The following CD58 variants were observed in gnomAD, a reference collection of about 807,000 sequenced individuals.
The protein encoded by CD58 is CD58 molecule.
Under a neutral mutation model 27.6 loss-of-function variants are expected in CD58, and 14 were observed. The ratio of observed to expected loss-of-function variants is 0.51; its 90% confidence interval spans 0.34 to 0.79. CD58 has a LOEUF of 0.79. Ranked by LOEUF, CD58 falls within the 30% of genes least tolerant of loss-of-function variation. The pLI, the probability that CD58 is intolerant of heterozygous loss-of-function variation, is 0.02. For missense variants in CD58, 268 were observed against 301.7 expected (o/e 0.89, Z 0.83); for synonymous variants, 117 against 103.8 (o/e 1.13, Z -0.77).
At chr1:116,565,911 G>T (rs1048039076) in intron 1 of CD58, among the ~76,000 whole-genome samples, 2 of 151,990 alleles carry the variant, frequency 1.3e-5, no homozygotes, top group African/African-American at 4.8e-5. Flanking sequence ...TAGAGACAGG[G>T]TTTCACTGCG....
rs1248416297 is a variant in CD58 at position 116,559,552 on chromosome 1, T to C, written c.70+11351A>G. Among the ~76,000 whole-genome samples the C allele has an allele frequency of 1.3e-5, 2 of 152,084 alleles. No homozygotes were observed. The highest frequency in any genetic ancestry group is 2.9e-5 in the Non-Finnish European group (2 of 68,020). ...TCTCTTATTTCCTTAAGACAGAGAT[T>C]TACTGATTTCAGCCACACCACCACC... On this transcript the variant is annotated intron_variant, in intron 1 of 5. Coordinates refer to ENST00000369489, the MANE Select transcript of CD58 (RefSeq NM_001779.3). This position sits in a 1 kb window ranked among gnomAD's most constrained non-coding sequence, Gnocchi z 4.4.
chr1:116,544,500 G>GT lies in CD58; in HGVS notation c.174dup (p.Gln59ThrfsTer4). ...TCCAGTTCTGCAACTTTATCCTTTT[G>GT]TTTTTTCCATAGGACCTCTTTTAAA... On this transcript the variant is annotated frameshift_variant, in exon 2 of 6. Transcript: ENST00000369489. LOFTEE classifies it high-confidence loss of function. 1.9e-6 allele frequency: 3 copies of GT among 1,613,838 alleles called. No individual in the cohort carries two copies. The highest frequency in any genetic ancestry group is 2.5e-6 in the Non-Finnish European group (3 of 1,179,874).
At chr1:116,565,774 T>G (rs1402101010) in intron 1 of CD58, among the ~76,000 whole-genome samples, 2 of 150,822 alleles carry the variant, frequency 1.3e-5, no homozygotes, top group Admixed American at 1.3e-4. Context: ...CAGGCTGGAG[T>G]GCAGTGTTGT....
chr1:116,519,435 CTGG>C lies in CD58; in HGVS notation c.707-171_707-169del. On this transcript the variant is annotated intron_variant, in intron 4 of 5. Coordinates refer to ENST00000369489, the MANE Select transcript of CD58 (RefSeq NM_001779.3). This position sits in a 1 kb window ranked among gnomAD's most constrained non-coding sequence, Gnocchi z 4.7. ...GCTTTAAATCAAATCGGCTACAGAG[CTGG>C]TCCAAAGAGTTGTTCAAAAATTGGT... 1 of 683,500 alleles carries C rather than the reference CTGG, an allele frequency of 1.5e-6. No homozygotes were observed. The highest frequency in any genetic ancestry group is 1.6e-5 in the South Asian group (1 of 62,920). The allele number at this position is 683,500 out of a possible 1,614,324, so 42.3% of individuals were successfully genotyped here.
In CD58 at chr1:116,570,071, C is replaced by G. The variant is rs1249771149; in HGVS notation, c.70+832G>C. 6.6e-6 allele frequency among the ~76,000 whole-genome samples: 1 copy of G among 152,218 alleles called. No homozygotes were observed. Among genetic ancestry groups the G allele is most frequent in the Non-Finnish European group, 1.5e-5 (1 of 68,048 alleles). On this transcript the variant is annotated intron_variant, in intron 1 of 5. Transcript: ENST00000369489. This position sits in a 1 kb window ranked among gnomAD's most constrained non-coding sequence, Gnocchi z 6.4. ...GAGGGCTGGCAGTGGGGTGCAGGAG[C>G]CAGCCATGAGAACCCCTCAAGTACA... is the stretch of plus-strand genomic sequence containing the variant.
rs899706915 is a variant in CD58 at position 116,528,194 on chromosome 1, A to G, written c.629-6211T>C. Among the ~76,000 whole-genome samples the G allele has an allele frequency of 6.6e-5, 10 of 152,154 alleles. No individual in the cohort carries two copies. Among genetic ancestry groups the G allele is most frequent in the Admixed American group, 5.2e-4 (8 of 15,282 alleles). On this transcript the variant is annotated intron_variant, in intron 3 of 5. Transcript: ENST00000369489. This position sits in a 1 kb window ranked among gnomAD's most constrained non-coding sequence, Gnocchi z 4.4. ...TCCTACTTCTGTTTCTGCCTGTTACATTTCATCTGGTTCAAACTTTGTTCA... is the reference window on the plus strand; with the variant it reads ...TCCTACTTCTGTTTCTGCCTGTTACGTTTCATCTGGTTCAAACTTTGTTCA...
intron 1 of CD58, among the ~76,000 whole-genome samples, chr1:116,566,805 A>G (rs899366991): frequency 1.3e-5 from 2 of 152,134 alleles, no homozygotes; most frequent in Non-Finnish European, 2.9e-5. Context: ...AAAGCTATCC[A>G]TTACTGAACA....
At chr1:116,562,836 T>C (rs916626212) in intron 1 of CD58, among the ~76,000 whole-genome samples, 3 of 152,156 alleles carry the variant, frequency 2.0e-5, no homozygotes, top group Non-Finnish European at 2.9e-5. Flanking sequence ...AAGGTGAGAT[T>C]TGGGTGGGGA....
chr1:116,549,516 T>C (rs1031660529), intron 1 of CD58, among the ~76,000 whole-genome samples: 1 of 152,130 alleles, frequency 6.6e-6, no homozygotes, highest in Non-Finnish European at 1.5e-5. Flanking sequence ...AATTCTAGTA[T>C]TGAAGTAAAG....
rs951745036 is a variant in CD58, at chr1:116,536,536, C to A, written c.365-308G>T. ...GTGATTGTACCATGGGGGATGGTTT[C>A]CCCATGCTATTCTAGTGATAGAGAG... On this transcript the variant is annotated intron_variant, in intron 2 of 5. Coordinates refer to ENST00000369489, the MANE Select transcript of CD58 (RefSeq NM_001779.3). This position sits in a 1 kb window ranked among gnomAD's most constrained non-coding sequence, Gnocchi z 5.4. Among the ~76,000 whole-genome samples, 6 of 152,042 alleles carry A rather than the reference C, an allele frequency of 3.9e-5. No homozygotes were observed. The highest frequency in any genetic ancestry group is 7.4e-5 in the Non-Finnish European group (5 of 68,000).
At chr1:116,567,785 G>T (rs1658989419) in intron 1 of CD58, among the ~76,000 whole-genome samples, 1 of 152,176 alleles carries the variant, frequency 6.6e-6, no homozygotes, top group East Asian at 1.9e-4. Flanking sequence ...TACTTACAAA[G>T]GTAAAATGGT....
Position 116,525,597 on chromosome 1 carries a change from T to C in CD58, c.629-3614A>G, listed in dbSNP as rs571816822. Among the ~76,000 whole-genome samples the C allele has an allele frequency of 1.7e-4, 26 of 152,332 alleles. No individual in the cohort carries two copies. The South Asian group carries it at 4.6e-3, about 27-fold the overall frequency. ...AATGGTAAGAGTACATACAGTTTTG[T>C]AAGAAACTGCCAAACTGTCTTCCAA... On this transcript the variant is annotated intron_variant, in intron 3 of 5. Coordinates refer to ENST00000369489, the MANE Select transcript of CD58 (RefSeq NM_001779.3).
Position 116,514,810 on chromosome 1 carries a change from C to A in CD58, c.*3G>T. 1 of 1,545,660 alleles carries A rather than the reference C, an allele frequency of 6.5e-7. No individual in the cohort carries two copies. On this transcript the variant is annotated 3_prime_UTR_variant, in exon 6 of 6. Coordinates refer to ENST00000369489, the MANE Select transcript of CD58 (RefSeq NM_001779.3). ...TGCTGTTGTCTTCATCTTCTGTTAC[C>A]AATCAATTGGAGCTACAAAAAAAAA... is the stretch of plus-strand genomic sequence containing the variant.
chr1:116,547,206 A>G (rs886562670), intron 1 of CD58, among the ~76,000 whole-genome samples: 3 of 151,352 alleles, frequency 2.0e-5, no homozygotes, highest in African/African-American at 7.3e-5. Flanking sequence ...ATTCTTACAT[A>G]GCTTAGCTCC....
chr1:116,551,701 T>C (rs1173425870), intron 1 of CD58, among the ~76,000 whole-genome samples: 1 of 152,074 alleles, frequency 6.6e-6, no homozygotes, highest in Non-Finnish European at 1.5e-5. Flanking sequence ...AAAGGCCTAG[T>C]TTTCAGCCCA....
rs2101185766 is a variant in CD58, at chr1:116,541,847, G to A, written c.364+2464C>T. ...GATATTTAAAGCCCTGACATGGGAT[G>A]AGCTCACCCACTGGCTATGAACGCA... On this transcript the variant is annotated intron_variant, in intron 2 of 5. Transcript: ENST00000369489. This position sits in a 1 kb window ranked among gnomAD's most constrained non-coding sequence, Gnocchi z 5.3. 6.6e-6 allele frequency among the ~76,000 whole-genome samples: 1 copy of A among 152,274 alleles called. No individual in the cohort carries two copies. Among genetic ancestry groups the A allele is most frequent in the South Asian group, 2.1e-4 (1 of 4,826 alleles).
chr1:116,533,239 CT>C, intron 3 of CD58: 1 of 860,730 alleles, frequency 1.2e-6, no homozygotes, highest in African/African-American at 1.6e-5. Context: ...TCATTGGATA[CT>C]TGTTTGGTAA....
Position 116,547,048 on chromosome 1 carries a change from G to C in CD58, c.71-2444C>G, listed in dbSNP as rs1370369684. Reference sequence around the variant, plus strand: ...CAATAGTTTTGGGGGAACAGGTGATGTTTGGTTACATGGATAAGTTTTTTT... The same window carrying C: ...CAATAGTTTTGGGGGAACAGGTGATCTTTGGTTACATGGATAAGTTTTTTT... On this transcript the variant is annotated intron_variant, in intron 1 of 5. Coordinates refer to ENST00000369489, the MANE Select transcript of CD58 (RefSeq NM_001779.3). Among the ~76,000 whole-genome samples the C allele has an allele frequency of 2.7e-5, 4 of 147,644 alleles. No individual in the cohort carries two copies. In the East Asian group the frequency reaches 8.0e-4, roughly 30 times the overall value.
chr1:116,556,106 T>C (rs1182480040), intron 1 of CD58, among the ~76,000 whole-genome samples: 3 of 151,634 alleles, frequency 2.0e-5, no homozygotes, highest in African/African-American at 7.3e-5. Flanking sequence ...AAATACAAAA[T>C]TAGCTGGGCG....
Sources: allele counts gnomAD v4.1 joint callset (sites outside exome capture counted in the v4.1 genomes callset), GRCh38; gene constraint gnomAD v4.1.1; non-coding constraint Gnocchi (gnomAD v3.1); transcripts MANE v1.5; gene names NCBI Gene and HGNC (gene_info 2026-07-23, HGNC 2026-07-21).